PRDM13: variants seen among roughly 807,000 people sequenced by gnomAD.
PRDM13 encodes the protein PR domain zinc finger protein 13.
In PRDM13, 15 loss-of-function variants were observed where a neutral mutation model predicts 36.4. The observed-to-expected ratio is 0.41, with a 90% CI of 0.28 to 0.64. PRDM13 has a LOEUF of 0.64. PRDM13 is among the 30% of genes least tolerant of loss of function. PRDM13 has a pLI of 0.29. For missense variants in PRDM13, 1,044 were observed against 1,013.5 expected, an observed-to-expected ratio of 1.03 and a Z score of -0.41; for synonymous variants, 531 against 467.7, an observed-to-expected ratio of 1.14 and a Z score of -1.75.
rs1195977282 is a variant in PRDM13, at chr6:99,613,533, C to T, written c.898C>T (p.Leu300=). Residue 300 remains leucine, a synonymous_variant, in exon 4 of 4, where the codon CTA becomes TTA. Transcript: ENST00000369215. This position sits in a 1 kb window ranked among gnomAD's most constrained non-coding sequence, Gnocchi z 6.1. ...GCGCTCAGCTTTCAAGCCCGCCGGC[C>T]TAGCGAGGGCGGCGGCGGCCGCTCA... is the stretch of plus-strand genomic sequence containing the variant. ...GVRSAFKPAG[L]ARAAAAAHGD... is the part of the protein sequence containing the mutation. The T allele has an allele frequency of 4.1e-5, 62 of 1,497,674 alleles. No homozygotes were observed. The East Asian group carries it at 1.6e-3, about 38-fold the overall frequency. The allele number at this position is 1,497,674 out of a possible 1,614,324, so 92.8% of individuals were successfully genotyped here.
Position 99,614,085 on chromosome 6 carries a change from T to C in PRDM13, c.1450T>C (p.Leu484=). 1 of 1,601,348 alleles carries C rather than the reference T, an allele frequency of 6.2e-7. No homozygotes were observed. The highest frequency in any genetic ancestry group is 1.3e-5 in the African/African-American group (1 of 74,626). Residue 484 remains leucine, a synonymous_variant, in exon 4 of 4, where the codon TTG becomes CTG. Coordinates refer to ENST00000369215, the MANE Select transcript of PRDM13 (RefSeq NM_021620.4). ...PATTAYYPLK[L]HFGGLLKYPE... ...CACCACCGCTTATTACCCGCTCAAATTGCACTTCGGCGGGCTGCTGAAGTA... is the reference window on the plus strand; with the variant it reads ...CACCACCGCTTATTACCCGCTCAAACTGCACTTCGGCGGGCTGCTGAAGTA...
intron 1 of PRDM13, among the ~76,000 whole-genome samples, chr6:99,607,745 T>A (rs567921205): frequency 6.6e-6 from 1 of 152,182 alleles, no homozygotes; most frequent in East Asian, 1.9e-4. Context: ...GGAGAGAGGA[T>A]GAGCAAGGTA....
Position 99,606,892 on chromosome 6 carries a change from T to C in PRDM13, c.-143T>C, listed in dbSNP as rs970920927. On this transcript the variant is annotated 5_prime_UTR_variant, in exon 1 of 4. Transcript: ENST00000369215. ...TCCCGCCCCGATTGAAAAGGCGCAG[T>C]GCATGCCCGCCCGCGTCACTCCGCG... The C allele has an allele frequency of 3.4e-6, 4 of 1,160,958 alleles. No homozygotes were observed. The African/African-American group carries it at 6.4e-5, about 19-fold the overall frequency. The allele number at this position is 1,160,958 out of a possible 1,614,324, so 71.9% of individuals were successfully genotyped here.
intron 2 of PRDM13, 75 bp downstream of exon 2, chr6:99,608,947 C>CA: frequency 6.5e-7 from 1 of 1,532,936 alleles, no homozygotes; most frequent in Non-Finnish European, 8.8e-7. Context: ...CTGCGGTGGC[C>CA]AAAAATATTA....
At chr6:99,607,476 T>G (rs1297700568) in intron 1 of PRDM13, among the ~76,000 whole-genome samples, 1 of 152,108 alleles carries the variant, frequency 6.6e-6, no homozygotes, top group African/African-American at 2.4e-5. Context: ...CTCTCGGGTC[T>G]CCTCAGTCAG....
chr6:99,607,021 TGGC>T lies in PRDM13; in HGVS notation c.-7_-5del. 6.2e-7 allele frequency: 1 copy of T among 1,602,966 alleles called. No individual in the cohort carries two copies. Among genetic ancestry groups the T allele is most frequent in the Non-Finnish European group, 8.5e-7 (1 of 1,173,966 alleles). On this transcript the variant is annotated 5_prime_UTR_variant, in exon 1 of 4. Coordinates refer to ENST00000369215, the MANE Select transcript of PRDM13 (RefSeq NM_021620.4). ...CTGGAGCACCCGAGCGCCTGCCTGGTGGCGGCGGCAACAATGCACGGAGCCGCC... is the reference window on the plus strand; with the variant it reads ...CTGGAGCACCCGAGCGCCTGCCTGGTGGCGGCAACAATGCACGGAGCCGCC...
At chr6:99,609,043 T>C (rs1403542857) in intron 2 of PRDM13, 144 bp from the exon 3 acceptor site, 14 of 1,376,202 alleles carry the variant, frequency 1.0e-5, no homozygotes, top group East Asian at 2.5e-5. Context: ...GTTTGAAGGA[T>C]GACGGAAGTG....
intron 2 of PRDM13, 41 bp from the exon 3 acceptor site, chr6:99,609,144 ACC>A: frequency 6.2e-7 from 1 of 1,606,006 alleles, no homozygotes; most frequent in Non-Finnish European, 8.5e-7. Context: ...TTGACCGATT[ACC>A]CAGGAAATGA....
chr6:99,606,953 T>C lies in PRDM13; in HGVS notation c.-82T>C. On this transcript the variant is annotated 5_prime_UTR_variant, in exon 1 of 4. Transcript: ENST00000369215. Reference sequence around the variant, plus strand: ...GCACGTCGGGGCGCGGCTCTCTGGCTAGCGCGCAGCTCCAGCTCTGTCACT... The same window carrying C: ...GCACGTCGGGGCGCGGCTCTCTGGCCAGCGCGCAGCTCCAGCTCTGTCACT... 2 of 1,447,264 alleles carry C rather than the reference T, an allele frequency of 1.4e-6. No individual in the cohort carries two copies. Among genetic ancestry groups the C allele is most frequent in the African/African-American group, 1.5e-5 (1 of 68,614 alleles). The allele number at this position is 1,447,264 out of a possible 1,614,324, so 89.7% of individuals were successfully genotyped here. A position where few individuals can be genotyped will look rare whatever the true frequency, so the allele number is the denominator to read the frequency against.
At position 99,608,785 on chromosome 6, in the gene PRDM13, C is replaced by G; in HGVS notation, c.189C>G (p.Ser63=). 1 of 1,612,562 alleles carries G rather than the reference C, an allele frequency of 6.2e-7. No individual in the cohort carries two copies. The highest frequency in any genetic ancestry group is 2.2e-5 in the East Asian group (1 of 44,708). ...RGELVDESGG[S]PLEWIGLIRA... ...AGCTGGTGGACGAGTCGGGGGGCTC[C>G]CCTCTGGAGTGGATAGGGTTAATCC... The change falls in exon 2 of 4, where the codon TCC becomes TCG. Residue 63 remains serine, a synonymous_variant. Coordinates refer to ENST00000369215, the MANE Select transcript of PRDM13 (RefSeq NM_021620.4).
chr6:99,608,652 G>T lies in PRDM13; in HGVS notation c.145-89G>T, dbSNP rs1031013883. 3 of 1,501,280 alleles carry T rather than the reference G, an allele frequency of 2.0e-6. No individual in the cohort carries two copies. In the African/African-American group the frequency reaches 4.2e-5, roughly 21 times the overall value. 93.0% of individuals were successfully genotyped at this position (1,501,280 alleles called of 1,614,324 possible). A position where few individuals can be genotyped will look rare whatever the true frequency, so the allele number is the denominator to read the frequency against. On this transcript the variant is annotated intron_variant, in intron 1 of 3. Coordinates refer to ENST00000369215, the MANE Select transcript of PRDM13 (RefSeq NM_021620.4). ...CCAAACCAAAAACAACCACTTTCCTGTGTTGGGTTGGGGTGGAGGATAAAC... is the reference window on the plus strand; with the variant it reads ...CCAAACCAAAAACAACCACTTTCCTTTGTTGGGTTGGGGTGGAGGATAAAC...
In PRDM13 at chr6:99,607,107, G is replaced by C; in HGVS notation, c.73G>C (p.Gly25Arg). The change falls in exon 1 of 4, where the codon GGA becomes CGA. Residue 25 changes from glycine (G) to arginine (R), a missense_variant. Gly to Arg is a moderately radical substitution (Grantham distance 125). Coordinates refer to ENST00000369215, the MANE Select transcript of PRDM13 (RefSeq NM_021620.4). ...CTGCATCCCGGCCGGCTTGCGCCTCGGACCGGTGCCTGGTACCTTCAAGCT... is the reference window on the plus strand; with the variant it reads ...CTGCATCCCGGCCGGCTTGCGCCTCCGACCGGTGCCTGGTACCTTCAAGCT... ...DCCIPAGLRL[G>R]PVPGTFKLGK... The C allele has an allele frequency of 6.2e-7, 1 of 1,613,750 alleles. No homozygotes were observed. Among genetic ancestry groups the C allele is most frequent in the Non-Finnish European group, 8.5e-7 (1 of 1,180,008 alleles).
In PRDM13 at chr6:99,614,051, C is replaced by T; in HGVS notation, c.1416C>T (p.Gly472=). 6.2e-7 allele frequency: 1 copy of T among 1,608,870 alleles called. No homozygotes were observed. The highest frequency in any genetic ancestry group is 1.3e-5 in the African/African-American group (1 of 74,774). ...TCTACAACGGGGAGCTGCTCTACGGCTCACCGGCCACCACCGCTTATTACC... is the reference window on the plus strand; with the variant it reads ...TCTACAACGGGGAGCTGCTCTACGGTTCACCGGCCACCACCGCTTATTACC... The part of the protein sequence containing the change: ...FTVYNGELLY[G]SPATTAYYPL... Residue 472 remains glycine, a synonymous_variant, in exon 4 of 4, where the codon GGC becomes GGT. Transcript: ENST00000369215.
At position 99,609,304 on chromosome 6, in the gene PRDM13, A is replaced by G; in HGVS notation, c.394A>G (p.Lys132Glu). Residue 132 changes from lysine to glutamate, a missense_variant, in exon 3 of 4, where the codon AAA becomes GAA. Coordinates refer to ENST00000369215, the MANE Select transcript of PRDM13 (RefSeq NM_021620.4). ...PTTATPTHDEKGEERYICWYC... is the reference protein window; with the variant it reads ...PTTATPTHDEEGEERYICWYC... ...CACAGCGACTCCGACTCACGACGAG[A>G]AAGGTACCCATTCCAAAAGCGTGGA... 1 of 1,614,068 alleles carries G rather than the reference A, an allele frequency of 6.2e-7. No individual in the cohort carries two copies.
In PRDM13 at chr6:99,614,486, C is replaced by T. The variant is rs1770097310; in HGVS notation, c.1851C>T (p.Asn617=). The T allele has an allele frequency of 4.3e-6, 7 of 1,613,424 alleles. No homozygotes were observed. Among genetic ancestry groups the T allele is most frequent in the Non-Finnish European group, 5.9e-6 (7 of 1,180,014 alleles). The change falls in exon 4 of 4, where the codon AAC becomes AAT. Residue 617 remains asparagine, a synonymous_variant. Coordinates refer to ENST00000369215, the MANE Select transcript of PRDM13 (RefSeq NM_021620.4). ...CCTTCGGCGACCCCAGCAATCTCAA[C>T]AAGCACATCCGGCTGCACGCCGAGG... ...LRPFGDPSNL[N]KHIRLHAEGN... is the part of the protein sequence containing the mutation.
intron 3 of PRDM13, among the ~76,000 whole-genome samples, chr6:99,612,609 C>T (rs778480391): frequency 1.3e-5 from 2 of 152,326 alleles, no homozygotes; most frequent in South Asian, 2.1e-4. Flanking sequence ...CTTTGTTCAG[C>T]TTATCCAAAC....
intron 1 of PRDM13, among the ~76,000 whole-genome samples, 197 bp from the exon 2 acceptor site, chr6:99,608,544 C>T (rs1344591511): frequency 6.6e-6 from 1 of 152,170 alleles, no homozygotes; most frequent in Non-Finnish European, 1.5e-5. Context: ...GTACTGTTAG[C>T]ATAGGTAGAC....
At position 99,613,443 on chromosome 6, in the gene PRDM13, C is replaced by A; in HGVS notation, c.808C>A (p.His270Asn). 6.5e-7 allele frequency: 1 copy of A among 1,543,768 alleles called. No homozygotes were observed. The highest frequency in any genetic ancestry group is 8.7e-7 in the Non-Finnish European group (1 of 1,153,468). ...DMSGAARGQG[H>N]FLGIVGGSSA... ...GAGCGGAGCCGCCCGAGGACAAGGG[C>A]ACTTCCTCGGCATCGTGGGCGGCTC... The change falls in exon 4 of 4, where the codon CAC becomes AAC. Residue 270 changes from histidine (H) to asparagine (N), a missense_variant. His to Asn is a moderately conservative substitution (Grantham distance 68, BLOSUM62 1). This residue lies in a region of PRDM13 where 921 missense variants were observed against 865.2 expected (regional missense o/e 1.06). Transcript: ENST00000369215. This position sits in a 1 kb window ranked among gnomAD's most constrained non-coding sequence, Gnocchi z 6.1.
chr6:99,607,103 C>T lies in PRDM13; in HGVS notation c.69C>T (p.Arg23=). ...SADCCIPAGL[R]LGPVPGTFKL... is the part of the protein sequence containing the mutation. ...ACTGCTGCATCCCGGCCGGCTTGCG[C>T]CTCGGACCGGTGCCTGGTACCTTCA... Residue 23 remains arginine, a synonymous_variant, in exon 1 of 4, where the codon CGC becomes CGT. Coordinates refer to ENST00000369215, the MANE Select transcript of PRDM13 (RefSeq NM_021620.4). 1 of 1,613,746 alleles carries T rather than the reference C, an allele frequency of 6.2e-7. No homozygotes were observed. The highest frequency in any genetic ancestry group is 8.5e-7 in the Non-Finnish European group (1 of 1,180,014).
Sources: gnomAD v4.1 joint callset for allele counts (sites outside exome capture counted in the v4.1 genomes callset) on GRCh38, gnomAD v4.1.1 for gene constraint, gnomAD v4.1.1 regional missense constraint, Gnocchi (gnomAD v3.1) non-coding constraint, MANE v1.5 for transcripts, NCBI Gene and HGNC (gene_info 2026-07-23, HGNC 2026-07-21) for gene names.